Variants in ABCC4 observed in about 807,000 individuals in gnomAD.
The protein encoded by ABCC4 is ATP binding cassette subfamily C member 4 (PEL blood group).
Under a neutral mutation model 168.5 loss-of-function variants are expected in ABCC4, and 102 were observed. That is an observed-to-expected ratio of 0.61 (90% CI 0.52 to 0.71). The LOEUF is 0.71. Ranked by LOEUF, ABCC4 falls within the 30% of genes least tolerant of loss-of-function variation. The probability of loss-of-function intolerance (pLI) is 0.00; values close to 1 mark genes in which losing one functional copy is unlikely to be tolerated. For missense variants in ABCC4, 1,402 were observed against 1,605.8 expected (o/e 0.87, Z 2.17); for synonymous variants, 617 against 590.7 (o/e 1.04, Z -0.65).
intron 19 of ABCC4, among the ~76,000 whole-genome samples, chr13:95,126,345 C>G (rs555701996): frequency 7.2e-5 from 11 of 152,222 alleles, no homozygotes; most frequent in African/African-American, 2.4e-4. Context: ...CAGCATTCAC[C>G]TAGACAAGGA....
At chr13:95,146,764 G>T (rs16950674) in intron 19 of ABCC4, among the ~76,000 whole-genome samples, 3,245 of 152,256 alleles carry the variant, frequency 0.021, 111 homozygotes, top group African/African-American at 0.071. Flanking sequence ...AGTGACAGAA[G>T]TTTTATAAGC....
chr13:95,142,376 G>C (rs2036346373), intron 19 of ABCC4, among the ~76,000 whole-genome samples: 1 of 152,176 alleles, frequency 6.6e-6, no homozygotes, highest in African/African-American at 2.4e-5. Flanking sequence ...TAGGAGCTAA[G>C]CTATGGGGAT....
intron 20 of ABCC4, among the ~76,000 whole-genome samples, chr13:95,098,357 T>C (rs185091206): frequency 3.0e-4 from 46 of 151,926 alleles, no homozygotes; most frequent in Admixed American, 1.6e-3. Context: ...TATAAGAAAT[T>C]AATGAAATAG....
At chr13:95,081,051 C>A (rs906640575) in intron 21 of ABCC4, among the ~76,000 whole-genome samples, 1 of 147,180 alleles carries the variant, frequency 6.8e-6, no homozygotes, top group Non-Finnish European at 1.5e-5. Flanking sequence ...AACCAGCCCC[C>A]GTGGTTGGTG....
intron 4 of ABCC4, among the ~76,000 whole-genome samples, chr13:95,226,720 C>T (rs1463071298): frequency 2.0e-5 from 3 of 152,262 alleles, no homozygotes; most frequent in Non-Finnish European, 4.4e-5. Context: ...TACAAAGTGC[C>T]TGGACACCTG....
In ABCC4 at chr13:95,034,664, T is replaced by C; in HGVS notation, c.3811A>G (p.Lys1271Glu). ...LLQNKESLFY[K>E]MVQQLGKAEA... ...GCCTTGCCCAGTTGTTGCACCATCT[T>C]GTAAAATAGGCTCTCTTTATTTTGC... The change falls in exon 30 of 31, where the codon AAG becomes GAG. Residue 1271 changes from lysine to glutamate, a missense_variant. Lys to Glu is a moderately conservative substitution (Grantham distance 56). Around this residue, in one of 3 missense-constraint regions of ABCC4, gnomAD observed 1,007 missense variants for 1,127.3 expected, o/e 0.89. Coordinates refer to ENST00000645237, the MANE Select transcript of ABCC4 (RefSeq NM_005845.5). 1.2e-6 allele frequency: 2 copies of C among 1,614,268 alleles called. No homozygotes were observed. Among genetic ancestry groups the C allele is most frequent in the Non-Finnish European group, 1.7e-6 (2 of 1,180,046 alleles).
At chr13:95,081,922 C>T (rs1188525915) in intron 21 of ABCC4, among the ~76,000 whole-genome samples, 1 of 152,142 alleles carries the variant, frequency 6.6e-6, no homozygotes, top group African/African-American at 2.4e-5. Flanking sequence ...ATCACTTGAA[C>T]CCAGGAGGTG....
In ABCC4 at chr13:95,062,939, C is replaced by T. The variant is rs573007394; in HGVS notation, c.3211-80G>A. Reference sequence around the variant, plus strand: ...TGCAGCAAAACTAGGAGAAAACTTTCGGTTTTTGAAGAAGAATTAAGGACA... The same window carrying T: ...TGCAGCAAAACTAGGAGAAAACTTTTGGTTTTTGAAGAAGAATTAAGGACA... On this transcript the variant is annotated intron_variant, in intron 25 of 30. Transcript: ENST00000645237. The T allele has an allele frequency of 1.5e-5, 23 of 1,500,170 alleles. No individual in the cohort carries two copies. The Admixed American group carries it at 1.9e-4, about 12-fold the overall frequency. The allele number at this position is 1,500,170 out of a possible 1,614,324, so 92.9% of individuals were successfully genotyped here. A position where few individuals can be genotyped will look rare whatever the true frequency, so the allele number is the denominator to read the frequency against.
At chr13:95,167,780 G>A (rs774430828) in intron 14 of ABCC4, among the ~76,000 whole-genome samples, 3 of 152,156 alleles carry the variant, frequency 2.0e-5, no homozygotes, top group South Asian at 2.1e-4. Flanking sequence ...AGGGGGAACC[G>A]TGCTCTGTCT....
intron 4 of ABCC4, among the ~76,000 whole-genome samples, chr13:95,217,199 T>C (rs1260079641): frequency 6.6e-6 from 1 of 152,206 alleles, no homozygotes; most frequent in Admixed American, 6.5e-5. Context: ...TTCTTAAAAA[T>C]AAATCATGTA....
At chr13:95,157,166 A>G (rs2036896109) in intron 19 of ABCC4, among the ~76,000 whole-genome samples, 1 of 151,012 alleles carries the variant, frequency 6.6e-6, no homozygotes, top group East Asian at 2.0e-4. Context: ...GTCACCTTGG[A>G]TGAATGTGTG....
At chr13:95,243,509 G>A (rs1208870806) in intron 3 of ABCC4, among the ~76,000 whole-genome samples, 1 of 152,176 alleles carries the variant, frequency 6.6e-6, no homozygotes, top group South Asian at 2.1e-4. Flanking sequence ...TCTTAACAGC[G>A]TGGATGTTGA....
chr13:95,163,222 G>A lies in ABCC4; in HGVS notation c.2214-6C>T, dbSNP rs759160545. 6.4e-7 allele frequency: 1 copy of A among 1,553,486 alleles called. No individual in the cohort carries two copies. Among genetic ancestry groups the A allele is most frequent in the Non-Finnish European group, 8.8e-7 (1 of 1,137,444 alleles). ...GCATACTTTGTTTGTTTGCCCTATG[G>A]AACATGGGGAGAAAAAAATATTAAG... On this transcript the variant is annotated splice_region_variant and splice_polypyrimidine_tract_variant and intron_variant, in intron 17 of 30. Transcript: ENST00000645237.
intron 20 of ABCC4, among the ~76,000 whole-genome samples, chr13:95,097,592 CTTTTTTTTT>C (rs56169430): frequency 2.4e-5 from 2 of 82,110 alleles, no homozygotes; most frequent in African/African-American, 4.8e-5. Flanking sequence ...AATATACATT[CTTTTTTTTT>C]TTTTTTTTTT....
Position 95,247,696 on chromosome 13 carries a change from C to T in ABCC4, c.132G>A (p.Met44Ile), listed in dbSNP as rs1334678519. The T allele has an allele frequency of 5.0e-6, 8 of 1,614,108 alleles. No homozygotes were observed. The highest frequency in any genetic ancestry group is 6.8e-6 in the Non-Finnish European group (8 of 1,180,018). The change falls in exon 2 of 31, where the codon ATG becomes ATA. Residue 44 changes from methionine (M) to isoleucine (I), a missense_variant. Physicochemically the swap from Met to Ile is conservative, Grantham distance 10. Around this residue, in one of 3 missense-constraint regions of ABCC4, gnomAD observed 317 missense variants for 345.5 expected, o/e 0.92. Transcript: ENST00000645237. ...GHKRRLEEDDMYSVLPEDRSQ... is the reference protein window; with the variant it reads ...GHKRRLEEDDIYSVLPEDRSQ... Reference sequence around the variant, plus strand: ...AGCGGTCTTCTGGCAGCACTGAATACATATCATCTTCCTCTAATCTCCGTT... The same window carrying T: ...AGCGGTCTTCTGGCAGCACTGAATATATATCATCTTCCTCTAATCTCCGTT...
intron 26 of ABCC4, chr13:95,055,967 T>G (rs566620026): frequency 6.6e-6 from 1 of 151,988 alleles, no homozygotes. Flanking sequence ...TGCAGTAAAT[T>G]GATAATCCCT....
chr13:95,273,651 G>GCTTGA (rs910981972), intron 1 of ABCC4, among the ~76,000 whole-genome samples: 4 of 151,724 alleles, frequency 2.6e-5, no homozygotes, highest in Non-Finnish European at 4.4e-5. Context: ...TACTGATATG[G>GCTTGA]CTCTGTGTCC....
chr13:95,029,988 T>TATCCATCCATCC (rs71207571), intron 30 of ABCC4, among the ~76,000 whole-genome samples: 12,459 of 146,318 alleles, frequency 0.085, 601 homozygotes, highest in Middle Eastern at 0.11. Flanking sequence ...CTTGTCTATC[T>TATCCATCCATCC]ATCCATCCAT....
At chr13:95,151,757 G>A (rs1353606241) in intron 19 of ABCC4, among the ~76,000 whole-genome samples, 4 of 152,142 alleles carry the variant, frequency 2.6e-5, no homozygotes, top group African/African-American at 7.2e-5. Context: ...AACTGACGAT[G>A]AGTAGAAGAC....
Sources: gnomAD v4.1 joint callset for allele counts (sites outside exome capture counted in the v4.1 genomes callset) on GRCh38, gnomAD v4.1.1 for gene constraint, gnomAD v4.1.1 regional missense constraint, MANE v1.5 for transcripts, NCBI Gene and HGNC (gene_info 2026-07-23, HGNC 2026-07-21) for gene names.